The following GRIA3 variants were observed in gnomAD, a reference collection of about 807,000 sequenced individuals.
GRIA3 encodes the protein glutamate receptor 3.
GRIA3 carries 3 observed loss-of-function variants against 63.0 expected under a neutral mutation model. That is an observed-to-expected ratio of 0.05 (90% CI 0.02 to 0.12). GRIA3 has a LOEUF of 0.12. Ranked by LOEUF, GRIA3 falls within the 10% of genes least tolerant of loss-of-function variation. GRIA3 has a pLI of 1.00. For synonymous variants in GRIA3, 274 were observed against 257.9 expected (o/e 1.06, Z -0.60); for missense variants, 347 against 700.9 (o/e 0.50, Z 5.70).
At chrX:123,398,310 T>C (rs1163236487) in intron 6 of GRIA3, among the ~76,000 whole-genome samples, 2 of 112,281 alleles carry the variant, frequency 1.8e-5, no homozygotes, top group African/African-American at 3.2e-5. Flanking sequence ...CATGCCATCC[T>C]TTAACTTCAC....
intron 3 of GRIA3, among the ~76,000 whole-genome samples, chrX:123,298,682 G>A (rs1466104798): frequency 9.0e-6 from 1 of 110,882 alleles, no homozygotes; most frequent in African/African-American, 3.3e-5. Context: ...TGTGTAGGTT[G>A]TCTATTTATA....
chrX:123,326,299 G>T, intron 4 of GRIA3, 86 bp downstream of exon 4: 2 of 751,719 alleles, frequency 2.7e-6, no homozygotes, highest in Non-Finnish European at 4.1e-6. Context: ...AAATTAAGTA[G>T]CCAACAGACT....
At chrX:123,343,232 G>A (rs1304148067) in intron 4 of GRIA3, among the ~76,000 whole-genome samples, 2 of 111,615 alleles carry the variant, frequency 1.8e-5, no homozygotes, top group Non-Finnish European at 3.8e-5. Context: ...CGTTTGTCTT[G>A]TTACATCCCA....
intron 5 of GRIA3, among the ~76,000 whole-genome samples, chrX:123,365,945 G>A (rs745857738): frequency 4.5e-5 from 5 of 111,784 alleles, no homozygotes; most frequent in Non-Finnish European, 9.4e-5. Context: ...TTAAACAAGG[G>A]GTGGATTATT....
chrX:123,384,961 T>C (rs746165084), intron 5 of GRIA3, among the ~76,000 whole-genome samples: 3 of 112,523 alleles, frequency 2.7e-5, no homozygotes, highest in Admixed American at 9.4e-5. Flanking sequence ...CTGTTTACTC[T>C]GTTGATAGTT....
intron 10 of GRIA3, among the ~76,000 whole-genome samples, chrX:123,412,806 C>T (rs754929630): frequency 1.8e-5 from 2 of 111,200 alleles, no homozygotes; most frequent in Non-Finnish European, 3.8e-5. Flanking sequence ...GTCAGGTCTA[C>T]ATCAGTGAGG....
At chrX:123,436,771 ACT>A (rs1169394697) in intron 12 of GRIA3, among the ~76,000 whole-genome samples, 3 of 111,144 alleles carry the variant, frequency 2.7e-5, no homozygotes, top group African/African-American at 6.5e-5. Flanking sequence ...GAACTCTGAA[ACT>A]CTGTTTCCTA....
Position 123,184,326 on chromosome X carries a change from G to A in GRIA3, c.-210G>A, listed in dbSNP as rs1017025846. Reference sequence around the variant, plus strand: ...AGAGAGAGCGAGCGAATAAGAGAGAGAGTAAGAGGGAGAGAGAAGAAGAGG... The same window carrying A: ...AGAGAGAGCGAGCGAATAAGAGAGAAAGTAAGAGGGAGAGAGAAGAAGAGG... On this transcript the variant is annotated 5_prime_UTR_variant, in exon 1 of 16. Coordinates refer to ENST00000620443, the MANE Select transcript of GRIA3 (RefSeq NM_007325.5). 1 of 447,675 alleles carries A rather than the reference G, an allele frequency of 2.2e-6. No homozygotes were observed. The highest frequency in any genetic ancestry group is 2.5e-5 in the African/African-American group (1 of 40,365). 36.9% of individuals were successfully genotyped at this position (447,675 alleles called of 1,213,427 possible).
rs2147381056 is a variant in GRIA3, at chrX:123,398,636, T to C, written c.913T>C (p.Tyr305His). 8.3e-7 allele frequency: 1 copy of C among 1,198,560 alleles called. No homozygotes were observed. Among genetic ancestry groups the C allele is most frequent in the Non-Finnish European group, 1.1e-6 (1 of 883,994 alleles). ...CTTGTTTTTCATGCATCCATTTCAGTATACATCTGCATTGACACACGACGC... is the reference window on the plus strand; with the variant it reads ...CTTGTTTTTCATGCATCCATTTCAGCATACATCTGCATTGACACACGACGC... ...FPEAKNAPLK[Y>H]TSALTHDAIL... Residue 305 changes from tyrosine (Y) to histidine (H), a missense_variant and splice_region_variant, in exon 7 of 16, where the codon TAT (tyrosine) becomes CAT (histidine). Tyr to His is a moderately conservative substitution (Grantham distance 83, BLOSUM62 2). Transcript: ENST00000620443.
chrX:123,437,403 T>C (rs1360642236), intron 12 of GRIA3, among the ~76,000 whole-genome samples: 1 of 110,270 alleles, frequency 9.1e-6, no homozygotes, highest in African/African-American at 3.3e-5. Flanking sequence ...GGAGCTTGGG[T>C]TGGATGGAGG....
chrX:123,258,616 A>T (rs1276820402), intron 3 of GRIA3, among the ~76,000 whole-genome samples: 1 of 111,837 alleles, frequency 8.9e-6, no homozygotes, highest in East Asian at 2.8e-4. Context: ...CGTGCACCTG[A>T]CAACTCTCCT....
chrX:123,369,423 A>G (rs2045233972), intron 5 of GRIA3, among the ~76,000 whole-genome samples: 1 of 111,813 alleles, frequency 8.9e-6, no homozygotes, highest in Admixed American at 9.5e-5. Flanking sequence ...CCTACCATTC[A>G]TCCCTTTTTT....
chrX:123,261,431 A>G, intron 3 of GRIA3, among the ~76,000 whole-genome samples: 1 of 112,241 alleles, frequency 8.9e-6, no homozygotes, highest in East Asian at 2.8e-4. Context: ...TTCCATAAGT[A>G]GAATATTTCT....
intron 4 of GRIA3, among the ~76,000 whole-genome samples, chrX:123,345,439 AACAC>A (rs59142587): frequency 0.22 from 14,323 of 65,596 alleles, 1,461 homozygotes; most frequent in East Asian, 0.39. Context: ...CCCCCTTCAC[AACAC>A]ACACACACAC....
At chrX:123,372,459 T>G (rs1401336465) in intron 5 of GRIA3, among the ~76,000 whole-genome samples, 1 of 112,189 alleles carries the variant, frequency 8.9e-6, no homozygotes, top group African/African-American at 3.2e-5. Flanking sequence ...TAGATTTCTT[T>G]GAGTAGTATG....
intron 4 of GRIA3, among the ~76,000 whole-genome samples, chrX:123,350,466 C>T (rs773721560): frequency 6.3e-5 from 7 of 111,891 alleles, no homozygotes; most frequent in South Asian, 3.8e-4. Flanking sequence ...TGCCTCCCAA[C>T]GGATCTGTGG....
At chrX:123,362,076 C>T (rs1161346843) in intron 5 of GRIA3, among the ~76,000 whole-genome samples, 1 of 111,754 alleles carries the variant, frequency 8.9e-6, no homozygotes, top group African/African-American at 3.3e-5. Flanking sequence ...AACAATGAAC[C>T]AGCACCAGTC....
chrX:123,305,036 A>C (rs1024010869), intron 3 of GRIA3, among the ~76,000 whole-genome samples: 3 of 111,300 alleles, frequency 2.7e-5, no homozygotes, highest in Non-Finnish European at 5.7e-5. Context: ...AAACCTTGAA[A>C]GTTCTATAAT....
intron 3 of GRIA3, among the ~76,000 whole-genome samples, chrX:123,313,040 C>T (rs1033925055): frequency 2.2e-4 from 23 of 106,965 alleles, no homozygotes; most frequent in African/African-American, 7.8e-4. Flanking sequence ...CTGCAGCTCA[C>T]ACAAGATTCA....
Sources: allele counts gnomAD v4.1 joint callset (sites outside exome capture counted in the v4.1 genomes callset), GRCh38; gene constraint gnomAD v4.1.1; transcripts MANE v1.5; gene names NCBI Gene and HGNC (gene_info 2026-07-23, HGNC 2026-07-21).